Variants in HMCN1 observed in about 807,000 individuals in gnomAD.
HMCN1 encodes the protein hemicentin-1.
A neutral mutation model predicts 625.9 loss-of-function variants in HMCN1; 321 were observed. The ratio of observed to expected loss-of-function variants is 0.51; its 90% CI spans 0.47 to 0.56. The LOEUF is 0.56. Among genes scored for constraint, HMCN1 ranks in the 20% least tolerant of loss-of-function variants. The pLI is 0.00. For missense variants in HMCN1, 6,588 were observed against 6,887.3 expected (o/e 0.96, Z 1.54); for synonymous variants, 2,425 against 2,417.6 (o/e 1.00, Z -0.09).
At chr1:186,127,941 G>C in intron 82 of HMCN1, 137 bp from the exon 83 acceptor site, 3 of 764,190 alleles carry the variant, frequency 3.9e-6, no homozygotes, top group Non-Finnish European at 6.7e-6. Flanking sequence ...TAACCTGATG[G>C]TTAAGACTAA....
chr1:185,895,317 A>T (rs769747087), intron 4 of HMCN1, among the ~76,000 whole-genome samples: 3 of 152,240 alleles, frequency 2.0e-5, no homozygotes, highest in Non-Finnish European at 4.4e-5. Flanking sequence ...GTGGGTTTTG[A>T]GTATTAGATA....
intron 38 of HMCN1, 81 bp downstream of exon 38, chr1:186,039,086 A>G (rs973297287): frequency 2.1e-6 from 2 of 968,256 alleles, no homozygotes; most frequent in Admixed American, 1.7e-5. Flanking sequence ...ATTCTTGTGT[A>G]AGTATTTAAC....
At chr1:185,773,686 T>C (rs1656402929) in intron 1 of HMCN1, among the ~76,000 whole-genome samples, 1 of 152,146 alleles carries the variant, frequency 6.6e-6, no homozygotes, top group South Asian at 2.1e-4. Context: ...AGTTTTCCTA[T>C]TACTGGTAAC....
At position 185,990,420 on chromosome 1, in the gene HMCN1, G is replaced by T. The variant is rs141081235; in HGVS notation, c.3354G>T (p.Gln1118His). Reference sequence around the variant, plus strand: ...TAATTACTTGGGCCAAAGAAACCCAGCTCATCTCACCGTTCTCTCCAAGGT... The same window carrying T: ...TAATTACTTGGGCCAAAGAAACCCATCTCATCTCACCGTTCTCTCCAAGGT... Reference protein sequence around the residue: ...PPIITWAKETQLISPFSPRHT... With the variant: ...PPIITWAKETHLISPFSPRHT... Residue 1118 changes from glutamine to histidine, a missense_variant, in exon 22 of 107, where the codon CAG becomes CAT. Coordinates refer to ENST00000271588, the MANE Select transcript of HMCN1 (RefSeq NM_031935.3). 4.8e-5 allele frequency: 78 copies of T among 1,614,030 alleles called. No individual in the cohort carries two copies. The African/African-American group carries it at 6.0e-4, about 12-fold the overall frequency.
chr1:186,165,327 A>G (rs1651812999), intron 98 of HMCN1, among the ~76,000 whole-genome samples, 154 bp downstream of exon 98: 1 of 152,272 alleles, frequency 6.6e-6, no homozygotes, highest in Admixed American at 6.5e-5. Flanking sequence ...TGAGATGTAG[A>G]AAAGTCAAAC....
intron 93 of HMCN1, among the ~76,000 whole-genome samples, chr1:186,150,691 A>G (rs1405081544): frequency 6.6e-6 from 1 of 152,168 alleles, no homozygotes; most frequent in Non-Finnish European, 1.5e-5. Context: ...ATAAAAGAAC[A>G]CAGGGTTTGA....
At chr1:185,746,368 G>A (rs999223082) in intron 1 of HMCN1, among the ~76,000 whole-genome samples, 4 of 152,192 alleles carry the variant, frequency 2.6e-5, no homozygotes, top group African/African-American at 9.7e-5. Flanking sequence ...CACAAAATGT[G>A]TGACTTAAAC....
At chr1:186,000,882 A>G (rs922377858) in intron 26 of HMCN1, among the ~76,000 whole-genome samples, 1 of 151,930 alleles carries the variant, frequency 6.6e-6, no homozygotes, top group African/African-American at 2.4e-5. Context: ...TATATATGCC[A>G]TTTTGCAAAA....
chr1:186,084,979 A>C (rs1659384187), intron 57 of HMCN1, among the ~76,000 whole-genome samples: 1 of 152,080 alleles, frequency 6.6e-6, no homozygotes, highest in South Asian at 2.1e-4. Flanking sequence ...TTATTCCATA[A>C]GTTTTATACC....
intron 45 of HMCN1, 138 bp downstream of exon 45, chr1:186,055,812 T>A (rs1022732762): frequency 3.6e-6 from 3 of 824,684 alleles, no homozygotes; most frequent in Admixed American, 1.9e-5. Flanking sequence ...TTTCCCCAGG[T>A]CAGTCTCATC....
chr1:186,018,690 C>T (rs535848657), intron 34 of HMCN1, among the ~76,000 whole-genome samples: 26 of 151,970 alleles, frequency 1.7e-4, no homozygotes, highest in African/African-American at 4.1e-4. Flanking sequence ...AGAAGAGGCA[C>T]GGAGCAAGTT....
chr1:185,944,404 A>G (rs1351790905), intron 11 of HMCN1, among the ~76,000 whole-genome samples: 2 of 152,232 alleles, frequency 1.3e-5, no homozygotes, highest in African/African-American at 4.8e-5. Flanking sequence ...TAATTCATCC[A>G]TGTAACAGAG....
chr1:186,104,578 C>T (rs1660527240), intron 69 of HMCN1, among the ~76,000 whole-genome samples: 1 of 152,088 alleles, frequency 6.6e-6, no homozygotes, highest in African/African-American at 2.4e-5. Flanking sequence ...GCTATCTATC[C>T]CACCCATTCC....
rs150757082 is a variant in HMCN1 at position 186,128,113 on chromosome 1, C to A, written c.12726C>A (p.Asn4242Lys). Residue 4242 changes from asparagine (N) to lysine (K), a missense_variant, in exon 83 of 107, where the codon AAC (asparagine) becomes AAA (lysine). Coordinates refer to ENST00000271588, the MANE Select transcript of HMCN1 (RefSeq NM_031935.3). ...EDSGFYTCVA[N>K]NAAGEDTHTV... The stretch of plus-strand genomic sequence containing the variant: ...CTGGCTTCTATACCTGTGTTGCTAA[C>A]AATGCTGCAGGTGAAGATACACACA... 2.5e-6 allele frequency: 4 copies of A among 1,613,382 alleles called. No individual in the cohort carries two copies. The Admixed American group carries it at 5.0e-5, about 20-fold the overall frequency.
At chr1:186,173,927 T>C (rs761739668) in intron 102 of HMCN1, among the ~76,000 whole-genome samples, 21 of 152,200 alleles carry the variant, frequency 1.4e-4, no homozygotes, top group African/African-American at 4.8e-5. Context: ...TTGTACTTTG[T>C]ATATAGCAAA....
chr1:186,132,176 A>G, intron 85 of HMCN1, 152 bp from the exon 86 acceptor site: 1 of 683,728 alleles, frequency 1.5e-6, no homozygotes, highest in Non-Finnish European at 2.7e-6. Context: ...CTTTAAATCT[A>G]TTTAAGAGGT....
chr1:186,095,316 A>G lies in HMCN1; in HGVS notation c.10368A>G (p.Ala3456=), dbSNP rs777591878. The change falls in exon 68 of 107, where the codon GCA becomes GCG. Residue 3456 remains alanine, a synonymous_variant. Transcript: ENST00000271588. The part of the protein sequence containing the change: ...TVLKGSSTSM[A]CITDGTPAPS... ...TCAAAGGTAGTTCCACCTCTATGGC[A>G]TGCATTACTGATGGAACCCCAGCTC... 3.1e-6 allele frequency: 5 copies of G among 1,613,794 alleles called. No homozygotes were observed. Among genetic ancestry groups the G allele is most frequent in the Non-Finnish European group, 4.2e-6 (5 of 1,179,836 alleles).
At chr1:185,780,963 G>A (rs1184341486) in intron 1 of HMCN1, among the ~76,000 whole-genome samples, 3 of 152,310 alleles carry the variant, frequency 2.0e-5, no homozygotes, top group South Asian at 2.1e-4. Flanking sequence ...ATTCAGCTGT[G>A]AATCCACCTG....
chr1:185,941,368 T>A (rs939619287), intron 11 of HMCN1, among the ~76,000 whole-genome samples: 3 of 152,188 alleles, frequency 2.0e-5, no homozygotes, highest in Non-Finnish European at 4.4e-5. Flanking sequence ...AACAAGCATC[T>A]ACCACATGGA....
Sources: gnomAD v4.1 joint callset for allele counts (sites outside exome capture counted in the v4.1 genomes callset) on GRCh38, gnomAD v4.1.1 for gene constraint, MANE v1.5 for transcripts, NCBI Gene and HGNC (gene_info 2026-07-23, HGNC 2026-07-21) for gene names.